GRID1: variants seen among roughly 807,000 people sequenced by gnomAD.
GRID1 encodes the protein glutamate receptor ionotropic, delta-1.
Under a neutral mutation model 98.0 loss-of-function variants are expected in GRID1, and 28 were observed. The observed-to-expected ratio is 0.29, with a 90% CI of 0.21 to 0.39. The LOEUF is 0.39. GRID1 is among the 10% of genes least tolerant of loss of function. The pLI is 1.00. For missense variants in GRID1, 1,111 were observed against 1,340.5 expected (o/e 0.83, Z 2.67); for synonymous variants, 553 against 538.5 (o/e 1.03, Z -0.37).
chr10:85,729,377 A>G, intron 9 of GRID1, 136 bp downstream of exon 9: 1 of 543,358 alleles, frequency 1.8e-6, no homozygotes, highest in Middle Eastern at 2.8e-4. Flanking sequence ...CAATTATTTG[A>G]ATGAAAGGCC....
intron 10 of GRID1, among the ~76,000 whole-genome samples, chr10:85,726,613 G>A (rs757858601): frequency 1.3e-5 from 2 of 152,158 alleles, no homozygotes; most frequent in Admixed American, 6.5e-5. Context: ...CACAGAAGCT[G>A]CAGAGAAGGA....
chr10:86,304,199 T>C (rs1389249332), intron 2 of GRID1, among the ~76,000 whole-genome samples: 1 of 152,248 alleles, frequency 6.6e-6, no homozygotes, highest in Non-Finnish European at 1.5e-5. Flanking sequence ...TCAAAATGCA[T>C]TCTGCCCCTC....
At chr10:85,783,173 G>A (rs1006874191) in intron 8 of GRID1, among the ~76,000 whole-genome samples, 1 of 152,172 alleles carries the variant, frequency 6.6e-6, no homozygotes, top group African/African-American at 2.4e-5. Flanking sequence ...AGAAAAGACT[G>A]TCTCCCGGGG....
At chr10:86,332,598 T>C (rs1848161566) in intron 2 of GRID1, among the ~76,000 whole-genome samples, 1 of 152,094 alleles carries the variant, frequency 6.6e-6, no homozygotes, top group African/African-American at 2.4e-5. Flanking sequence ...CTCCCTGGAA[T>C]TGACACTGTG....
chr10:85,602,805 T>G, intron 15 of GRID1, 104 bp from the exon 16 acceptor site: 1 of 770,264 alleles, frequency 1.3e-6, no homozygotes, highest in South Asian at 1.8e-5. Context: ...GTCAGCCTGT[T>G]GGGCTGTGGG....
chr10:85,649,625 A>G (rs757476418), intron 12 of GRID1, among the ~76,000 whole-genome samples: 6 of 152,316 alleles, frequency 3.9e-5, no homozygotes, highest in East Asian at 3.9e-4. Context: ...TGCAGTTTTC[A>G]TGAGTGTGGA....
At chr10:85,744,321 G>C (rs1841977482) in intron 8 of GRID1, among the ~76,000 whole-genome samples, 1 of 152,132 alleles carries the variant, frequency 6.6e-6, no homozygotes, top group African/African-American at 2.4e-5. Flanking sequence ...TGCAAGTGTG[G>C]CTTTTATCTA....
Position 85,685,063 on chromosome 10 carries a change from T to C in GRID1, c.1998-37666A>G, listed in dbSNP as rs548757941. 1.4e-4 allele frequency among the ~76,000 whole-genome samples: 21 copies of C among 152,302 alleles called. No individual in the cohort carries two copies. The South Asian group carries it at 4.4e-3, about 32-fold the overall frequency. On this transcript the variant is annotated intron_variant, in intron 12 of 15. Coordinates refer to ENST00000327946, the MANE Select transcript of GRID1 (RefSeq NM_017551.3). The stretch of plus-strand genomic sequence containing the variant: ...TCAGTCTACAGCACCCATGATAGCT[T>C]TTATTCAACATTGTACTGGAGGTAT...
chr10:86,223,418 T>C (rs1846290186), intron 2 of GRID1, among the ~76,000 whole-genome samples: 1 of 152,230 alleles, frequency 6.6e-6, no homozygotes, highest in Admixed American at 6.5e-5. Flanking sequence ...CCAAATGCCC[T>C]GCCTGGCACG....
chr10:86,174,707 C>G (rs1365839017), intron 3 of GRID1, among the ~76,000 whole-genome samples: 7 of 149,572 alleles, frequency 4.7e-5, no homozygotes, highest in Non-Finnish European at 1.0e-4. Flanking sequence ...AACAGGCAAC[C>G]TACAGAATGG....
At chr10:85,979,218 C>T (rs968925053) in intron 4 of GRID1, among the ~76,000 whole-genome samples, 1 of 152,172 alleles carries the variant, frequency 6.6e-6, no homozygotes, top group East Asian at 1.9e-4. Context: ...CAGTGCCCAT[C>T]AGCATCATCT....
chr10:85,612,954 G>A (rs1217642905), intron 15 of GRID1: 1 of 158,134 alleles, frequency 6.3e-6, no homozygotes, highest in Non-Finnish European at 1.4e-5. Context: ...AGAAAGGAGT[G>A]CTGGGAGGGA....
chr10:85,813,744 G>A (rs1238592002), intron 8 of GRID1, among the ~76,000 whole-genome samples: 2 of 151,726 alleles, frequency 1.3e-5, no homozygotes, highest in African/African-American at 4.8e-5. Flanking sequence ...TATATCTTAA[G>A]TACTTTTAAA....
chr10:86,281,649 T>C (rs1391287555), intron 2 of GRID1, among the ~76,000 whole-genome samples: 3 of 152,200 alleles, frequency 2.0e-5, no homozygotes, highest in Non-Finnish European at 2.9e-5. Context: ...TCTGGGCTCC[T>C]GTTGCCCACA....
chr10:86,196,328 G>A (rs1845871223), intron 3 of GRID1, among the ~76,000 whole-genome samples: 1 of 152,022 alleles, frequency 6.6e-6, no homozygotes, highest in Admixed American at 6.6e-5. Context: ...CTTGTACCCA[G>A]CATTGTCCTG....
rs1020642385 is a variant in GRID1 at position 86,174,765 on chromosome 10, A to C, written c.520+31599T>G. On this transcript the variant is annotated intron_variant, in intron 3 of 15. Coordinates refer to ENST00000327946, the MANE Select transcript of GRID1 (RefSeq NM_017551.3). The stretch of plus-strand genomic sequence containing the variant: ...CATCTGACAAAGGGCTAATATCCAG[A>C]ATCTACAATGAACTCAAACAAACTT... 2.5e-4 allele frequency among the ~76,000 whole-genome samples: 37 copies of C among 150,650 alleles called. 1 individual carries two copies. Among genetic ancestry groups the C allele is most frequent in the African/African-American group, 7.2e-4 (29 of 40,484 alleles).
At chr10:86,167,203 G>C (rs1473012897) in intron 3 of GRID1, among the ~76,000 whole-genome samples, 1 of 152,244 alleles carries the variant, frequency 6.6e-6, no homozygotes, top group African/African-American at 2.4e-5. Context: ...AATAAAGCAG[G>C]ACAGAGGGGC....
At chr10:86,024,648 G>A (rs188906894) in intron 4 of GRID1, among the ~76,000 whole-genome samples, 72 of 152,284 alleles carry the variant, frequency 4.7e-4, no homozygotes, top group African/African-American at 1.6e-3. Flanking sequence ...CTTGTTCTGA[G>A]CCCCACCTCT....
intron 3 of GRID1, among the ~76,000 whole-genome samples, chr10:86,149,166 A>G (rs1468295006): frequency 6.6e-6 from 1 of 152,208 alleles, no homozygotes; most frequent in African/African-American, 2.4e-5. Context: ...GAAAACTAAA[A>G]AGGTCATCTC....
Sources: allele counts gnomAD v4.1 joint callset (sites outside exome capture counted in the v4.1 genomes callset), GRCh38; gene constraint gnomAD v4.1.1; transcripts MANE v1.5; gene names NCBI Gene and HGNC (gene_info 2026-07-23, HGNC 2026-07-21).